The following CLGN variants were observed in gnomAD, a reference collection of about 807,000 sequenced individuals.
CLGN encodes the protein testis tissue sperm-binding protein Li 79P.
CLGN carries 62 observed loss-of-function variants against 79.1 expected under a neutral mutation model. The ratio of observed to expected loss-of-function variants is 0.78; its 90% CI spans 0.64 to 0.97. The LOEUF (loss-of-function observed/expected upper bound fraction) is 0.97. Among genes scored for constraint, CLGN ranks in the 50% least tolerant of loss-of-function variants. The pLI is 0.00. For missense variants in CLGN, 647 were observed against 715.5 expected (o/e 0.90, Z 1.09); for synonymous variants, 225 against 224.7 (o/e 1.00, Z -0.01).
intron 5 of CLGN, 73 bp downstream of exon 5, chr4:140,405,869 A>C (rs1578600118): frequency 6.9e-7 from 1 of 1,447,374 alleles, no homozygotes; most frequent in African/African-American, 1.5e-5. Context: ...CATTTTCAAA[A>C]TACAAGCTAT....
intron 4 of CLGN, among the ~76,000 whole-genome samples, chr4:140,407,374 G>A (rs78936372): frequency 0.066 from 9,996 of 152,080 alleles, 430 homozygotes; most frequent in South Asian, 0.13. Context: ...AATTGGAAAC[G>A]AGGAAGTCAA....
Position 140,392,249 on chromosome 4 carries a change from T to G in CLGN, c.1621A>C (p.Lys541Gln), listed in dbSNP as rs1480092075. The G allele has an allele frequency of 1.2e-6, 2 of 1,613,126 alleles. No homozygotes were observed. The highest frequency in any genetic ancestry group is 1.1e-5 in the South Asian group (1 of 90,960). The change falls in exon 13 of 15, where the codon AAG (lysine) becomes CAG (glutamine). Residue 541 changes from lysine to glutamine, a missense_variant. Lys to Gln is a moderately conservative substitution (Grantham distance 53). Coordinates refer to ENST00000325617, the MANE Select transcript of CLGN (RefSeq NM_004362.3). ...EKPMDLEEEK[K>Q]QNDGEMLEKE... ...TCAAGCATTTCACCATCATTTTGCT[T>G]TTTTTCCTCTTCCAGGTCCATTGGT...
chr4:140,396,378 T>A (rs1728874350), intron 8 of CLGN, among the ~76,000 whole-genome samples, 173 bp from the exon 9 acceptor site: 1 of 152,188 alleles, frequency 6.6e-6, no homozygotes. Context: ...TGGTACATAT[T>A]CCCTGTTGTG....
chr4:140,410,716 T>G (rs1729194661), intron 2 of CLGN, 90 bp from the exon 3 acceptor site: 2 of 784,964 alleles, frequency 2.5e-6, no homozygotes, highest in East Asian at 5.2e-5. Flanking sequence ...TAGTATGTAA[T>G]GCACATACAG....
chr4:140,415,004 A>G (rs1429501549), intron 1 of CLGN, among the ~76,000 whole-genome samples: 5 of 151,330 alleles, frequency 3.3e-5, no homozygotes, highest in African/African-American at 7.3e-5. Flanking sequence ...CGGATCTCTC[A>G]GCAGAAACCC....
At chr4:140,426,369 C>T (rs10461274) in intron 1 of CLGN, among the ~76,000 whole-genome samples, 138,383 of 152,312 alleles carry the variant, frequency 0.91, 63,245 homozygotes, top group East Asian at 0.99. Context: ...TAGACAAATG[C>T]ATCAACATAC....
At chr4:140,417,161 T>C (rs1381380235) in intron 1 of CLGN, among the ~76,000 whole-genome samples, 1 of 145,020 alleles carries the variant, frequency 6.9e-6, no homozygotes, top group African/African-American at 2.6e-5. Context: ...CCCTTCATGC[T>C]AAAAACTCTC....
chr4:140,411,700 C>T (rs1266622912), intron 2 of CLGN, among the ~76,000 whole-genome samples: 1 of 152,030 alleles, frequency 6.6e-6, no homozygotes, highest in Admixed American at 6.5e-5. Context: ...CACAAAATTC[C>T]ACGTAATTAC....
intron 5 of CLGN, 89 bp from the exon 6 acceptor site, chr4:140,402,155 T>C: frequency 1.5e-6 from 1 of 655,762 alleles, no homozygotes; most frequent in Non-Finnish European, 2.5e-6. Context: ...TCAATTCATG[T>C]AAGTATAAAT....
chr4:140,404,987 A>G (rs992145623), intron 5 of CLGN, among the ~76,000 whole-genome samples: 4 of 151,840 alleles, frequency 2.6e-5, no homozygotes, highest in Non-Finnish European at 5.9e-5. Context: ...AGAGGTTGAA[A>G]GAAAGGATTA....
At position 140,398,931 on chromosome 4, in the gene CLGN, T is replaced by G. The variant is rs1728945309; in HGVS notation, c.804A>C (p.Glu268Asp). 1.2e-6 allele frequency: 2 copies of G among 1,613,840 alleles called. No homozygotes were observed. The highest frequency in any genetic ancestry group is 2.7e-5 in the African/African-American group (2 of 74,898). The change falls in exon 8 of 15, where the codon GAA (glutamate) becomes GAC (aspartate). Residue 268 changes from glutamate to aspartate, a missense_variant. Transcript: ENST00000325617. Reference protein sequence around the residue: ...VPPIKPPKEIEDPNDKKPEEW... With the variant: ...VPPIKPPKEIDDPNDKKPEEW... The stretch of plus-strand genomic sequence containing the variant: ...CCTCAGGTTTTTTATCATTGGGATC[T>G]TCAATTTCTTTGGGAGGTTTGATAG...
chr4:140,426,681 C>T (rs565105250), intron 1 of CLGN: 1 of 152,276 alleles, frequency 6.6e-6, no homozygotes, highest in African/African-American at 2.4e-5. Flanking sequence ...TTTGAGACTT[C>T]TTCCTGTGGC....
At chr4:140,409,632 G>C (rs760295685) in intron 4 of CLGN, among the ~76,000 whole-genome samples, 11 of 152,020 alleles carry the variant, frequency 7.2e-5, no homozygotes, top group Non-Finnish European at 1.3e-4. Flanking sequence ...TAGAAAACTA[G>C]ATTAACTGGC....
chr4:140,422,223 C>T (rs1452772588), intron 1 of CLGN, among the ~76,000 whole-genome samples: 1 of 152,150 alleles, frequency 6.6e-6, no homozygotes, highest in African/African-American at 2.4e-5. Flanking sequence ...GATTTCCAAA[C>T]TTATTCTTTC....
At chr4:140,425,432 GT>G (rs1729546486) in intron 1 of CLGN, among the ~76,000 whole-genome samples, 2 of 68,866 alleles carry the variant, frequency 2.9e-5, no homozygotes, top group Non-Finnish European at 6.5e-5. Flanking sequence ...TCAATAGGGT[GT>G]GTGTGTGTGT....
chr4:140,423,505 T>A (rs1729509244), intron 1 of CLGN, among the ~76,000 whole-genome samples: 1 of 152,220 alleles, frequency 6.6e-6, no homozygotes, highest in South Asian at 2.1e-4. Flanking sequence ...TCTTGTAGTG[T>A]CTTTGGCTTT....
Position 140,398,967 on chromosome 4 carries a change from A to G in CLGN, c.768T>C (p.Asp256=). 6.2e-7 allele frequency: 1 copy of G among 1,613,828 alleles called. No individual in the cohort carries two copies. Among genetic ancestry groups the G allele is most frequent in the Non-Finnish European group, 8.5e-7 (1 of 1,179,790 alleles). ...TGGGAGGTTTGATAGGAGGAACCAC[A>G]TCCTCTAGGAGGCTTCCTTTGTTTA... ...TVVNKGSLLE[D]VVPPIKPPKE... Residue 256 remains aspartate, a synonymous_variant, in exon 8 of 15, where the codon GAT becomes GAC. Transcript: ENST00000325617.
At position 140,412,974 on chromosome 4, in the gene CLGN, T is replaced by C. The variant is rs1321274440; in HGVS notation, c.105A>G (p.Ser35=). The C allele has an allele frequency of 6.2e-7, 1 of 1,613,546 alleles. No individual in the cohort carries two copies. The highest frequency in any genetic ancestry group is 8.5e-7 in the Non-Finnish European group (1 of 1,179,706). The change falls in exon 2 of 15, where the codon TCA becomes TCG. Residue 35 remains serine (S), a synonymous_variant. Coordinates refer to ENST00000325617, the MANE Select transcript of CLGN (RefSeq NM_004362.3). ...CACTTTCATTAACATCAATTTCTTCTGAATTTTCTTCAAAGTCTTCCGTCT... is the reference window on the plus strand; with the variant it reads ...CACTTTCATTAACATCAATTTCTTCCGAATTTTCTTCAAAGTCTTCCGTCT... ...DVETEDFEEN[S]EEIDVNESEL... is the part of the protein sequence containing the mutation.
intron 13 of CLGN, among the ~76,000 whole-genome samples, chr4:140,391,855 A>G (rs1728779023): frequency 6.6e-6 from 1 of 151,798 alleles, no homozygotes; most frequent in Non-Finnish European, 1.5e-5. Flanking sequence ...CATCTGTTTT[A>G]TATCTATTCC....
Sources: allele counts gnomAD v4.1 joint callset (sites outside exome capture counted in the v4.1 genomes callset), GRCh38; gene constraint gnomAD v4.1.1; transcripts MANE v1.5; gene names NCBI Gene and HGNC (gene_info 2026-07-23, HGNC 2026-07-21).